Variants in ARSG observed in about 807,000 individuals in gnomAD.
The protein encoded by ARSG is arylsulfatase G, also known as ASG.
ARSG carries 37 observed loss-of-function variants against 50.5 expected under a neutral mutation model. The observed-to-expected ratio is 0.73, with a 90% CI of 0.56 to 0.96. The LOEUF (loss-of-function observed/expected upper bound fraction) is 0.96. ARSG is among the 50% of genes least tolerant of loss of function. The probability of loss-of-function intolerance (pLI) is 0.00; values close to 1 mark genes in which losing one functional copy is unlikely to be tolerated. For missense variants in ARSG, 629 were observed against 675.3 expected, an observed-to-expected ratio of 0.93 and a Z score of 0.76; for synonymous variants, 225 against 254.6, an observed-to-expected ratio of 0.88 and a Z score of 1.11.
At chr17:68,437,034 GTGTATA>G in the ARSG span, among the ~76,000 whole-genome samples, 8 of 150,630 alleles carry the variant, frequency 5.3e-5, no homozygotes, top group African/African-American at 1.5e-4. Context: ...GTGTGTGTGT[GTGTATA>G]TATTGCTCAT....
chr17:68,349,572 G>A (rs963527212), intron 4 of ARSG, among the ~76,000 whole-genome samples: 2 of 152,050 alleles, frequency 1.3e-5, no homozygotes, highest in Non-Finnish European at 2.9e-5. Flanking sequence ...TTAGCATGAA[G>A]ATATCAATTT....
At chr17:68,313,113 T>A (rs1367353543) in intron 2 of ARSG, among the ~76,000 whole-genome samples, 1 of 151,764 alleles carries the variant, frequency 6.6e-6, no homozygotes, top group African/African-American at 2.4e-5. Flanking sequence ...TACAAAAAAT[T>A]AGCCGGGCAT....
At chr17:68,426,250 G>GGGGGGGGGA, downstream of ARSG, 1 of 828,060 alleles carries the variant, frequency 1.2e-6, no homozygotes, top group South Asian at 1.3e-5. Flanking sequence ...GGTGGGGAGC[G>GGGGGGGGGA]GGGGCTCAAA....
At chr17:68,398,152 T>C (rs921744531) in intron 10 of ARSG, among the ~76,000 whole-genome samples, 8 of 152,230 alleles carry the variant, frequency 5.3e-5, no homozygotes, top group African/African-American at 9.6e-5. Flanking sequence ...TATGTATGCA[T>C]ATGCATGCTT....
At chr17:68,317,091 C>T (rs2077095630) in intron 2 of ARSG, among the ~76,000 whole-genome samples, 1 of 152,052 alleles carries the variant, frequency 6.6e-6, no homozygotes, top group Non-Finnish European at 1.5e-5. Context: ...CCCATTTTTG[C>T]ACAGAAAGGG....
chr17:68,287,913 C>T (rs573980114), upstream of ARSG, among the ~76,000 whole-genome samples: 1 of 151,862 alleles, frequency 6.6e-6, no homozygotes, highest in South Asian at 2.1e-4. Flanking sequence ...ACTCTTCTCC[C>T]TTTTTTCTTT....
chr17:68,404,746 GT>G (rs1284553267), intron 11 of ARSG, among the ~76,000 whole-genome samples: 1 of 152,180 alleles, frequency 6.6e-6, no homozygotes, highest in Non-Finnish European at 1.5e-5. Context: ...GAATTCATCT[GT>G]GAAATGATTT....
intron 2 of ARSG, among the ~76,000 whole-genome samples, chr17:68,337,357 G>A (rs868173318): frequency 6.6e-6 from 1 of 152,268 alleles, no homozygotes; most frequent in South Asian, 2.1e-4. Context: ...TTCCCAGAGT[G>A]TGTGAGTGGA....
intron 9 of ARSG, among the ~76,000 whole-genome samples, chr17:68,385,960 G>A (rs1376401569): frequency 6.6e-6 from 1 of 152,146 alleles, no homozygotes; most frequent in East Asian, 1.9e-4. Flanking sequence ...GAATCCTTAG[G>A]TGAAGACATT....
At chr17:68,341,144 T>C (rs1196899818) in intron 2 of ARSG, among the ~76,000 whole-genome samples, 1 of 152,214 alleles carries the variant, frequency 6.6e-6, no homozygotes, top group Non-Finnish European at 1.5e-5. Context: ...CCCATTAATA[T>C]TGTACAGCCA....
intron 1 of ARSG, among the ~76,000 whole-genome samples, chr17:68,276,036 T>C (rs8080714): frequency 0.44 from 66,423 of 151,880 alleles, 15,884 homozygotes; most frequent in African/African-American, 0.64. Context: ...GAACCAGGAA[T>C]GACTTCATGA....
At position 68,271,801 on chromosome 17, in the gene ARSG, ATCTT is replaced by A. The variant is rs2075348786; in HGVS notation, c.-552+12377_-552+12380del. On this transcript the variant is annotated intron_variant, in intron 1 of 11. Transcript: ENST00000448504. This position sits in a 1 kb window ranked among gnomAD's most constrained non-coding sequence, Gnocchi z 5.3. ...ATACTCAGCAGTATGAATGTACTCA[ATCTT>A]TATTTATTTACTTTTTGAGACAGAG... 1.5e-6 allele frequency: 1 copy of A among 651,226 alleles called. No individual in the cohort carries two copies. Among genetic ancestry groups the A allele is most frequent in the Non-Finnish European group, 2.6e-6 (1 of 380,320 alleles). The allele number at this position is 651,226 out of a possible 1,614,324, so 40.3% of individuals were successfully genotyped here.
chr17:68,401,128 A>T, intron 10 of ARSG: 1 of 503,920 alleles, frequency 2.0e-6, no homozygotes, highest in East Asian at 3.5e-5. Flanking sequence ...GGCTCAAACA[A>T]TCCTCTCACC....
intron 2 of ARSG, among the ~76,000 whole-genome samples, chr17:68,309,282 C>G (rs1013843570): frequency 2.0e-5 from 3 of 152,256 alleles, no homozygotes; most frequent in African/African-American, 2.4e-5. Context: ...AGTTCCCGCT[C>G]GCGCCTCTCC....
Position 68,349,026 on chromosome 17 carries a change from G to A in ARSG, c.454+1854G>A, listed in dbSNP as rs2078636176. On this transcript the variant is annotated intron_variant, in intron 4 of 11. Transcript: ENST00000621439. ...TTTTATTAGAAAACAGCAAGGCCAAGCATGGTGGCTCACGCCTGTAATCCC... is the reference window on the plus strand; with the variant it reads ...TTTTATTAGAAAACAGCAAGGCCAAACATGGTGGCTCACGCCTGTAATCCC... Among the ~76,000 whole-genome samples the A allele has an allele frequency of 2.6e-5, 4 of 152,296 alleles. No individual in the cohort carries two copies. In the South Asian group the frequency reaches 8.3e-4, roughly 32 times the overall value.
intron 2 of ARSG, among the ~76,000 whole-genome samples, chr17:68,327,262 C>T (rs567516869): frequency 3.5e-4 from 53 of 152,234 alleles, no homozygotes; most frequent in African/African-American, 1.2e-3. Context: ...ACCCTGGAGA[C>T]ACGCAGGGAG....
intron 4 of ARSG, 128 bp downstream of exon 4, chr17:68,347,300 G>A (rs2078560534): frequency 2.7e-6 from 3 of 1,101,770 alleles, no homozygotes; most frequent in South Asian, 1.3e-5. Flanking sequence ...TTGTTCACGA[G>A]GTCATTTGAG....
chr17:68,385,171 A>T lies in ARSG; in HGVS notation c.1090A>T (p.Ser364Cys). The T allele has an allele frequency of 6.2e-7, 1 of 1,613,416 alleles. No homozygotes were observed. The highest frequency in any genetic ancestry group is 1.1e-5 in the South Asian group (1 of 91,068). Residue 364 changes from serine (S) to cysteine (C), a missense_variant and splice_region_variant, in exon 9 of 12, where the codon AGC becomes TGC. Coordinates refer to ENST00000621439, the MANE Select transcript of ARSG (RefSeq NM_001267727.2). ...TAATGTCACCAGCACTGCCTTGTTA[A>T]GGTATGAGACCAAAACTACCTTGAG... ...PVNVTSTALL[S>C]VLDIFPTVVA...
At chr17:68,308,853 A>G (rs35060525) in intron 2 of ARSG, among the ~76,000 whole-genome samples, 35,989 of 152,264 alleles carry the variant, frequency 0.24, 4,526 homozygotes, top group Middle Eastern at 0.28. Flanking sequence ...GGCTTCACCC[A>G]GTGGATCCCG....
Sources: allele counts gnomAD v4.1 joint callset (sites outside exome capture counted in the v4.1 genomes callset), GRCh38; gene constraint gnomAD v4.1.1; non-coding constraint Gnocchi (gnomAD v3.1); transcripts MANE v1.5; gene names NCBI Gene and HGNC (gene_info 2026-07-23, HGNC 2026-07-21).